CDH9: variants seen among roughly 807,000 people sequenced by gnomAD.
The protein encoded by CDH9 is cadherin-9.
In CDH9, 28 loss-of-function variants were observed where a neutral mutation model predicts 70.9. That is an observed-to-expected ratio of 0.40 (90% CI 0.29 to 0.54). CDH9 has a LOEUF of 0.54. Among genes scored for constraint, CDH9 ranks in the 20% least tolerant of loss-of-function variants. The probability of loss-of-function intolerance (pLI) is 0.59; values close to 1 mark genes in which losing one functional copy is unlikely to be tolerated. For missense variants in CDH9, 874 were observed against 984.4 expected (o/e 0.89, Z 1.50); for synonymous variants, 409 against 343.1 (o/e 1.19, Z -2.12).
chr5:26,972,535 G>C (rs1161801694), intron 2 of CDH9, among the ~76,000 whole-genome samples: 2 of 152,076 alleles, frequency 1.3e-5, no homozygotes, highest in African/African-American at 4.8e-5. Flanking sequence ...AGCCAAAAAA[G>C]TCAGCCCTCC....
At chr5:26,901,045 G>A (rs893460927) in intron 7 of CDH9, among the ~76,000 whole-genome samples, 3 of 151,796 alleles carry the variant, frequency 2.0e-5, no homozygotes, top group Non-Finnish European at 2.9e-5. Flanking sequence ...ATATGAACAC[G>A]CTAGTGCATA....
chr5:27,021,471 C>T (rs1466974178), intron 1 of CDH9, among the ~76,000 whole-genome samples: 1 of 151,568 alleles, frequency 6.6e-6, no homozygotes, highest in Non-Finnish European at 1.5e-5. Flanking sequence ...ATATAAGCCT[C>T]ATATAACTTC....
intron 1 of CDH9, among the ~76,000 whole-genome samples, chr5:27,033,521 A>C (rs1006031367): frequency 6.6e-6 from 1 of 151,496 alleles, no homozygotes; most frequent in African/African-American, 2.4e-5. Flanking sequence ...TCACTTTGTA[A>C]TTTCAACTAA....
intron 2 of CDH9, among the ~76,000 whole-genome samples, chr5:26,936,667 A>G (rs1487546975): frequency 6.6e-6 from 1 of 152,160 alleles, no homozygotes; most frequent in Non-Finnish European, 1.5e-5. Context: ...AGTAATCAAG[A>G]CAGTGTGGTA....
In CDH9 at chr5:26,947,487, G is replaced by T. The variant is rs1035589930; in HGVS notation, c.229-31563C>A. Among the ~76,000 whole-genome samples, 3 of 152,250 alleles carry T rather than the reference G, an allele frequency of 2.0e-5. No homozygotes were observed. In the South Asian group the frequency reaches 6.2e-4, roughly 32 times the overall value. On this transcript the variant is annotated intron_variant, in intron 2 of 11. Transcript: ENST00000231021. ...AACTCAATTATGGCTACTTAGCAGA[G>T]ACCTCTTGAGTTTTTGACACCAAAG...
intron 7 of CDH9, among the ~76,000 whole-genome samples, chr5:26,892,719 T>C (rs920753792): frequency 1.4e-5 from 2 of 142,692 alleles, no homozygotes; most frequent in African/African-American, 5.2e-5. Context: ...CATTTTTTTG[T>C]TGTTGTTGTT....
intron 2 of CDH9, among the ~76,000 whole-genome samples, chr5:26,978,014 A>C (rs1437471786): frequency 6.6e-6 from 1 of 152,094 alleles, no homozygotes; most frequent in East Asian, 1.9e-4. Context: ...CCAAACCTAC[A>C]CAGGATCAAA....
At chr5:26,983,692 A>G (rs374072530) in intron 2 of CDH9, among the ~76,000 whole-genome samples, 42 of 150,542 alleles carry the variant, frequency 2.8e-4, no homozygotes, top group East Asian at 1.5e-3. Flanking sequence ...GTACTGCACT[A>G]TAAGTAATGA....
chr5:26,957,002 CTT>C (rs5866813), intron 2 of CDH9, among the ~76,000 whole-genome samples: 16 of 138,900 alleles, frequency 1.2e-4, no homozygotes, highest in Admixed American at 2.2e-4. Flanking sequence ...TTTCCATGTG[CTT>C]TTTTTTTTTT....
intron 2 of CDH9, among the ~76,000 whole-genome samples, chr5:26,954,384 C>CTTTTTTT (rs141394776): frequency 3.8e-4 from 7 of 18,346 alleles, no homozygotes; most frequent in African/African-American, 7.8e-4. Context: ...ATTATACAGC[C>CTTTTTTT]TTTCTTTTTT....
chr5:26,934,830 A>G (rs990068890), intron 2 of CDH9, among the ~76,000 whole-genome samples: 3 of 152,166 alleles, frequency 2.0e-5, no homozygotes, highest in African/African-American at 7.2e-5. Flanking sequence ...TTTAAGAAAG[A>G]ATTGCTACAA....
chr5:26,903,601 G>A (rs1429415354), intron 6 of CDH9, 36 bp downstream of exon 6: 1 of 1,331,348 alleles, frequency 7.5e-7, no homozygotes, highest in East Asian at 2.3e-5. Context: ...AAATTATAAA[G>A]CACTCAATGA....
In CDH9 at chr5:26,898,507, A is replaced by G. The variant is rs111945105; in HGVS notation, c.1253+3969T>C. ...ACCAGTGGAACAGAACAGAGCCAGCAATAATGCCACATATCTACAGCCATC... is the reference window on the plus strand; with the variant it reads ...ACCAGTGGAACAGAACAGAGCCAGCGATAATGCCACATATCTACAGCCATC... On this transcript the variant is annotated intron_variant, in intron 7 of 11. Transcript: ENST00000231021. Among the ~76,000 whole-genome samples the G allele has an allele frequency of 3.5e-3, 532 of 152,290 alleles. 4 individuals carry two copies. The highest frequency in any genetic ancestry group is 0.012 in the African/African-American group (512 of 41,574).
chr5:26,927,166 T>C (rs1015915554), intron 2 of CDH9, among the ~76,000 whole-genome samples: 1 of 151,996 alleles, frequency 6.6e-6, no homozygotes, highest in African/African-American at 2.4e-5. Context: ...TGATTACTTA[T>C]AATGATGTTG....
chr5:27,023,653 T>C (rs1743175838), intron 1 of CDH9, among the ~76,000 whole-genome samples: 3 of 152,058 alleles, frequency 2.0e-5, no homozygotes, highest in Non-Finnish European at 2.9e-5. Flanking sequence ...TAAATTTGCT[T>C]TCTTCTTGCT....
At chr5:27,000,781 T>A (rs1364126761) in intron 1 of CDH9, among the ~76,000 whole-genome samples, 1 of 152,164 alleles carries the variant, frequency 6.6e-6, no homozygotes, top group Non-Finnish European at 1.5e-5. Context: ...ACTCAGTAAT[T>A]AAATGAAATT....
intron 2 of CDH9, among the ~76,000 whole-genome samples, chr5:26,926,920 C>CCT (rs1554037342): frequency 1.4e-5 from 2 of 143,514 alleles, no homozygotes; most frequent in African/African-American, 5.3e-5. Context: ...AAATACAGCC[C>CCT]CCCCCCGCAA....
chr5:26,930,249 G>A (rs1350605457), intron 2 of CDH9, among the ~76,000 whole-genome samples: 4 of 152,012 alleles, frequency 2.6e-5, no homozygotes, highest in African/African-American at 7.2e-5. Context: ...TGCTTTGGAT[G>A]TTGGTTTCAT....
chr5:27,029,465 A>G (rs1561046313), intron 1 of CDH9, among the ~76,000 whole-genome samples: 1 of 152,020 alleles, frequency 6.6e-6, no homozygotes, highest in Non-Finnish European at 1.5e-5. Context: ...ACAAAGTCAG[A>G]GAGAGAGAAA....
Sources: gnomAD v4.1 joint callset for allele counts (sites outside exome capture counted in the v4.1 genomes callset) on GRCh38, gnomAD v4.1.1 for gene constraint, MANE v1.5 for transcripts, NCBI Gene and HGNC (gene_info 2026-07-23, HGNC 2026-07-21) for gene names.